LINGO2: variants seen among roughly 807,000 people sequenced by gnomAD.
LINGO2 encodes leucine rich repeat and Ig domain containing 2.
Under a neutral mutation model 30.6 loss-of-function variants are expected in LINGO2, and 14 were observed. The observed-to-expected ratio is 0.46, with a 90% CI of 0.30 to 0.72. The LOEUF is 0.72. LINGO2 is among the 30% of genes least tolerant of loss of function. The pLI is 0.07. For synonymous variants in LINGO2, 317 were observed against 288.5 expected, an observed-to-expected ratio of 1.10 and a Z score of -1.00; for missense variants, 729 against 751.7, an observed-to-expected ratio of 0.97 and a Z score of 0.35.
At chr9:28,740,221 T>C in the LINGO2 span, among the ~76,000 whole-genome samples, 1 of 151,842 alleles carries the variant, frequency 6.6e-6, no homozygotes, top group South Asian at 2.1e-4. Flanking sequence ...AATAAATATA[T>C]ATTCTGCTGC....
At chr9:28,293,518 G>T (rs1264682343) in intron 4 of LINGO2, among the ~76,000 whole-genome samples, 1 of 151,728 alleles carries the variant, frequency 6.6e-6, no homozygotes, top group Non-Finnish European at 1.5e-5. Context: ...AGTTTATCTT[G>T]GTAAATATTA....
chr9:28,792,410 T>G, the LINGO2 span, among the ~76,000 whole-genome samples: 10 of 152,070 alleles, frequency 6.6e-5, no homozygotes, highest in Non-Finnish European at 1.0e-4. Flanking sequence ...TGATAATGAA[T>G]GAAGAATCCC....
At chr9:28,671,790 TA>T (rs1438875136), upstream of LINGO2, among the ~76,000 whole-genome samples, 11 of 151,556 alleles carry the variant, frequency 7.3e-5, no homozygotes, top group Admixed American at 4.0e-4. Flanking sequence ...AAATAAGAGT[TA>T]AAAAAAAGTA....
the LINGO2 span, chr9:27,941,141 A>G: frequency 6.6e-6 from 1 of 152,218 alleles, no homozygotes; most frequent in East Asian, 1.9e-4. Flanking sequence ...TCATTTTGCA[A>G]TTAAATAGCA....
intron 3 of LINGO2, among the ~76,000 whole-genome samples, chr9:28,368,787 G>A (rs10812788): frequency 0.037 from 5,085 of 136,144 alleles, 199 homozygotes; most frequent in East Asian, 0.17. Flanking sequence ...TAGTGGAGAC[G>A]GGGTTTCACC....
the LINGO2 span, among the ~76,000 whole-genome samples, chr9:29,093,450 T>C: frequency 2.2e-5 from 3 of 134,326 alleles, 1 homozygote; most frequent in African/African-American, 8.3e-5. Context: ...CATTTTGAAA[T>C]TTATAAAACA....
At chr9:28,762,933 G>C in the LINGO2 span, among the ~76,000 whole-genome samples, 1 of 151,980 alleles carries the variant, frequency 6.6e-6, no homozygotes, top group African/African-American at 2.4e-5. Context: ...AAAGTAAAAA[G>C]CTGAGTTTAA....
the LINGO2 span, among the ~76,000 whole-genome samples, chr9:29,212,276 C>G: frequency 6.6e-6 from 1 of 151,890 alleles, no homozygotes; most frequent in Admixed American, 6.6e-5. Context: ...CGCCACCCCG[C>G]GAGCACGCTG....
chr9:28,915,553 T>C, the LINGO2 span, among the ~76,000 whole-genome samples: 1 of 152,210 alleles, frequency 6.6e-6, no homozygotes, highest in Non-Finnish European at 1.5e-5. Flanking sequence ...GTACTTTCTG[T>C]TGGGCCTCAC....
chr9:28,399,922 T>A (rs1381546943), intron 2 of LINGO2, among the ~76,000 whole-genome samples: 1 of 152,212 alleles, frequency 6.6e-6, no homozygotes, highest in African/African-American at 2.4e-5. Flanking sequence ...TCAATATAAA[T>A]AATTACTTAA....
the LINGO2 span, among the ~76,000 whole-genome samples, chr9:29,165,976 T>TTTTATTTATTTATACACAGCC: frequency 6.6e-6 from 1 of 152,190 alleles, no homozygotes; most frequent in South Asian, 2.1e-4. Context: ...AAATTGTGTA[T>TTTTATTTATTTATACACAGCC]ACTTAGTGTA....
At chr9:28,128,648 A>G (rs1587045117) in intron 4 of LINGO2, among the ~76,000 whole-genome samples, 2 of 152,124 alleles carry the variant, frequency 1.3e-5, no homozygotes, top group Non-Finnish European at 2.9e-5. Context: ...AAGGCTGACC[A>G]CTGGTCTTTT....
At chr9:29,166,732 T>TA in the LINGO2 span, among the ~76,000 whole-genome samples, 2 of 152,174 alleles carry the variant, frequency 1.3e-5, no homozygotes, top group African/African-American at 4.8e-5. Context: ...TAACTTCAGC[T>TA]ATTCTCTCCA....
chr9:28,493,871 G>T (rs770254980), intron 1 of LINGO2, among the ~76,000 whole-genome samples: 6 of 152,122 alleles, frequency 3.9e-5, no homozygotes, highest in Non-Finnish European at 8.8e-5. Context: ...TTTCTCCAGT[G>T]CTGGAAGCTT....
chr9:29,201,069 T>G, the LINGO2 span, among the ~76,000 whole-genome samples: 1 of 152,046 alleles, frequency 6.6e-6, no homozygotes, highest in Non-Finnish European at 1.5e-5. Flanking sequence ...GTTTGTCTGG[T>G]TTCTGCATTG....
the LINGO2 span, among the ~76,000 whole-genome samples, chr9:28,877,165 G>A: frequency 2.0e-5 from 3 of 150,820 alleles, no homozygotes; most frequent in African/African-American, 4.9e-5. Context: ...TTTGTCAGAT[G>A]AGTAGGTTGC....
chr9:28,405,661 C>T (rs1288892925), intron 2 of LINGO2, among the ~76,000 whole-genome samples: 3 of 152,076 alleles, frequency 2.0e-5, no homozygotes, highest in African/African-American at 4.8e-5. Context: ...TATTGCTGTG[C>T]TTGTTTTAGT....
At chr9:28,419,128 T>G (rs1014561055) in intron 2 of LINGO2, among the ~76,000 whole-genome samples, 1 of 152,130 alleles carries the variant, frequency 6.6e-6, no homozygotes, top group Non-Finnish European at 1.5e-5. Context: ...TGTAGTCTTT[T>G]ATGTTACTTT....
At chr9:28,987,195 A>C in the LINGO2 span, among the ~76,000 whole-genome samples, 1 of 150,356 alleles carries the variant, frequency 6.7e-6, no homozygotes, top group South Asian at 2.1e-4. Flanking sequence ...GTGATGGGAG[A>C]CTTTGTATTA....
Sources: gnomAD v4.1 joint callset for allele counts (sites outside exome capture counted in the v4.1 genomes callset) on GRCh38, gnomAD v4.1.1 for gene constraint, MANE v1.5 for transcripts, NCBI Gene and HGNC (gene_info 2026-07-23, HGNC 2026-07-21) for gene names.